Variants in SPATS2 observed in about 807,000 individuals in gnomAD.
SPATS2 encodes the protein spermatogenesis associated serine rich 2.
Under a neutral mutation model 63.7 loss-of-function variants are expected in SPATS2, and 38 were observed. The ratio of observed to expected loss-of-function variants is 0.60; its 90% CI spans 0.46 to 0.78. SPATS2 has a LOEUF of 0.78. Ranked by LOEUF, SPATS2 falls within the 30% of genes least tolerant of loss-of-function variation. SPATS2 has a pLI of 0.00. For synonymous variants in SPATS2, 207 were observed against 232.9 expected, an observed-to-expected ratio of 0.89 and a Z score of 1.01; for missense variants, 588 against 666.2, an observed-to-expected ratio of 0.88 and a Z score of 1.29.
At chr12:49,520,073 C>T (rs893025081) in intron 11 of SPATS2, among the ~76,000 whole-genome samples, 5 of 151,956 alleles carry the variant, frequency 3.3e-5, no homozygotes, top group Non-Finnish European at 4.4e-5. Flanking sequence ...TCCGCCTCCC[C>T]GGTTCAAGCG....
rs979484949 is a variant in SPATS2, at chr12:49,372,734, G to A, written c.-244+1444G>A. On this transcript the variant is annotated intron_variant, in intron 2 of 13. Transcript: ENST00000552918. ...CTGCATTCATTAAAAAAAAAATTTCGTGTCTGCTGTATGCTTTAAATATTT... is the reference window on the plus strand; with the variant it reads ...CTGCATTCATTAAAAAAAAAATTTCATGTCTGCTGTATGCTTTAAATATTT... 3.3e-5 allele frequency among the ~76,000 whole-genome samples: 5 copies of A among 151,348 alleles called. No homozygotes were observed. The East Asian group carries it at 5.8e-4, about 18-fold the overall frequency.
At chr12:49,487,491 A>AT (rs1946314704) in intron 4 of SPATS2, among the ~76,000 whole-genome samples, 1 of 152,184 alleles carries the variant, frequency 6.6e-6, no homozygotes, top group Non-Finnish European at 1.5e-5. Flanking sequence ...CCTCCAAAAA[A>AT]TAAAAAAACG....
intron 2 of SPATS2, among the ~76,000 whole-genome samples, chr12:49,444,047 G>A (rs182710919): frequency 1.3e-5 from 2 of 152,042 alleles, no homozygotes; most frequent in East Asian, 3.9e-4. Flanking sequence ...ACTGTATTAC[G>A]CTTATAAATT....
rs1054288491 is a variant in SPATS2 at position 49,526,584 on chromosome 12, G to A, written c.*329G>A. 10 of 281,056 alleles carry A rather than the reference G, an allele frequency of 3.6e-5. No individual in the cohort carries two copies. Among genetic ancestry groups the A allele is most frequent in the Admixed American group, 2.9e-4 (6 of 20,518 alleles). The allele number at this position is 281,056 out of a possible 1,614,324, so 17.4% of individuals were successfully genotyped here. A position where few individuals can be genotyped will look rare whatever the true frequency, so the allele number is the denominator to read the frequency against. On this transcript the variant is annotated 3_prime_UTR_variant, in exon 14 of 14. Coordinates refer to ENST00000552918, the MANE Select transcript of SPATS2 (RefSeq NM_023071.4). ...CTGTCTCAGGAGGAGGTGAATCAGA[G>A]CTAGTCTGTCACCTTTCCAATCTAA...
intron 2 of SPATS2, among the ~76,000 whole-genome samples, chr12:49,432,356 C>T (rs1340335192): frequency 6.6e-6 from 1 of 152,176 alleles, no homozygotes; most frequent in African/African-American, 2.4e-5. Context: ...CCTGTAGTCC[C>T]AGCTACTGGG....
chr12:49,372,423 T>C (rs1375086114), intron 2 of SPATS2, among the ~76,000 whole-genome samples: 1 of 152,154 alleles, frequency 6.6e-6, no homozygotes, highest in Non-Finnish European at 1.5e-5. Flanking sequence ...CTCTATTGAC[T>C]TTTTCTGTAT....
intron 2 of SPATS2, among the ~76,000 whole-genome samples, chr12:49,391,403 T>G (rs1160349304): frequency 1.3e-5 from 2 of 152,062 alleles, no homozygotes; most frequent in African/African-American, 4.8e-5. Context: ...TCCCAGCTAC[T>G]CGGGAGGCTG....
chr12:49,370,025 T>A (rs1398255836), intron 1 of SPATS2, among the ~76,000 whole-genome samples: 1 of 152,210 alleles, frequency 6.6e-6, no homozygotes, highest in Non-Finnish European at 1.5e-5. Flanking sequence ...CCACAGGTTA[T>A]GGCCAAAACA....
At chr12:49,382,199 A>T (rs1039305217) in intron 2 of SPATS2, among the ~76,000 whole-genome samples, 1 of 152,222 alleles carries the variant, frequency 6.6e-6, no homozygotes, top group Admixed American at 6.5e-5. Context: ...GGTGGATTCA[A>T]ATGCTGCTTT....
At chr12:49,517,041 G>A (rs1044128730) in intron 10 of SPATS2, among the ~76,000 whole-genome samples, 38 of 152,196 alleles carry the variant, frequency 2.5e-4, no homozygotes, top group African/African-American at 8.7e-4. Flanking sequence ...TTCCAGTGTT[G>A]TATAATTAGG....
At chr12:49,444,214 TTG>T (rs200403993) in intron 2 of SPATS2, among the ~76,000 whole-genome samples, 33 of 139,454 alleles carry the variant, frequency 2.4e-4, no homozygotes, top group South Asian at 6.5e-4. Flanking sequence ...AGTTTTGTTG[TTG>T]TTTTTTTTTT....
chr12:49,368,645 C>T (rs933586432), intron 1 of SPATS2, among the ~76,000 whole-genome samples: 4 of 152,172 alleles, frequency 2.6e-5, no homozygotes, highest in African/African-American at 9.7e-5. Flanking sequence ...TTCAAATAGG[C>T]TGCCTCATAC....
chr12:49,512,431 G>A (rs1404895181), intron 9 of SPATS2, among the ~76,000 whole-genome samples: 1 of 152,010 alleles, frequency 6.6e-6, no homozygotes, highest in African/African-American at 2.4e-5. Flanking sequence ...TATATTATAA[G>A]CTAGTTTTTT....
chr12:49,439,262 A>G (rs1248958894), intron 2 of SPATS2, among the ~76,000 whole-genome samples: 1 of 152,088 alleles, frequency 6.6e-6, no homozygotes, highest in African/African-American at 2.4e-5. Flanking sequence ...ATGCTGGGGG[A>G]GGAAGTTACC....
chr12:49,482,181 A>G (rs1946217815), intron 3 of SPATS2, among the ~76,000 whole-genome samples: 1 of 152,232 alleles, frequency 6.6e-6, no homozygotes, highest in African/African-American at 2.4e-5. Context: ...TGGTGACCTC[A>G]TGTCATAGAA....
intron 2 of SPATS2, among the ~76,000 whole-genome samples, chr12:49,397,193 G>T (rs1944526332): frequency 6.6e-6 from 1 of 152,170 alleles, no homozygotes; most frequent in Non-Finnish European, 1.5e-5. Flanking sequence ...CTTCCTGAGA[G>T]AAGTCTTTGC....
At chr12:49,419,067 TC>T (rs1391581640) in intron 2 of SPATS2, among the ~76,000 whole-genome samples, 3 of 152,166 alleles carry the variant, frequency 2.0e-5, no homozygotes, top group Admixed American at 6.5e-5. Flanking sequence ...CCTGTTCCCC[TC>T]CCAAGGTTCC....
chr12:49,373,603 G>A (rs1944039840), intron 2 of SPATS2, among the ~76,000 whole-genome samples: 1 of 124,630 alleles, frequency 8.0e-6, no homozygotes, highest in Non-Finnish European at 1.6e-5. Flanking sequence ...ACCAGCTTGG[G>A]CAACAGCGAG....
At chr12:49,490,767 T>C (rs1226131867) in intron 6 of SPATS2, 36 bp downstream of exon 6, 2 of 1,590,440 alleles carry the variant, frequency 1.3e-6, no homozygotes, top group African/African-American at 2.7e-5. Flanking sequence ...TGATGATGTG[T>C]ATATTATTTT....
Sources: gnomAD v4.1 joint callset for allele counts (sites outside exome capture counted in the v4.1 genomes callset) on GRCh38, gnomAD v4.1.1 for gene constraint, MANE v1.5 for transcripts, NCBI Gene and HGNC (gene_info 2026-07-23, HGNC 2026-07-21) for gene names.